The following EPHB2 variants were observed in gnomAD, a reference collection of about 807,000 sequenced individuals.
The protein encoded by EPHB2 is EPH receptor B2, also known as ephrin type-B receptor 2.
In EPHB2, 18 loss-of-function variants were observed where a neutral mutation model predicts 96.4. That is an observed-to-expected ratio of 0.19 (90% CI 0.13 to 0.28). EPHB2 has a LOEUF of 0.28. Ranked by LOEUF, EPHB2 falls within the 10% of genes least tolerant of loss-of-function variation. The probability of loss-of-function intolerance (pLI) is 1.00; values close to 1 mark genes in which losing one functional copy is unlikely to be tolerated. For synonymous variants in EPHB2, 506 were observed against 534.1 expected, an observed-to-expected ratio of 0.95 and a Z score of 0.72; for missense variants, 989 against 1,355.4, an observed-to-expected ratio of 0.73 and a Z score of 4.25.
rs777571194 is a variant in EPHB2 at position 22,912,474 on chromosome 1, C to T, written c.2727C>T (p.Ile909=). The T allele has an allele frequency of 3.7e-6, 6 of 1,614,148 alleles. No individual in the cohort carries two copies. The highest frequency in any genetic ancestry group is 4.2e-6 in the Non-Finnish European group (5 of 1,180,046). ...GINLPLLDRT[I]PDYTSFNTVD... Reference sequence around the variant, plus strand: ...ACCTGCCGCTGCTGGACCGCACGATCCCCGACTACACCAGCTTTAACACGG... The same window carrying T: ...ACCTGCCGCTGCTGGACCGCACGATTCCCGACTACACCAGCTTTAACACGG... Residue 909 remains isoleucine (I), a synonymous_variant, in exon 15 of 16, where the codon ATC becomes ATT. Coordinates refer to ENST00000374630, the MANE Select transcript of EPHB2 (RefSeq NM_017449.5).
intron 5 of EPHB2, among the ~76,000 whole-genome samples, chr1:22,872,896 T>A (rs1444348352): frequency 6.6e-6 from 1 of 152,192 alleles, no homozygotes; most frequent in Non-Finnish European, 1.5e-5. Context: ...TGTGTGCTTA[T>A]GCCTGAGACC....
chr1:22,720,304 T>A (rs1359719173), intron 1 of EPHB2, among the ~76,000 whole-genome samples: 1 of 152,216 alleles, frequency 6.6e-6, no homozygotes, highest in Non-Finnish European at 1.5e-5. Context: ...GAAAATATAC[T>A]GGGCTTGATT....
chr1:22,818,116 C>G (rs931017186), intron 3 of EPHB2, among the ~76,000 whole-genome samples: 4 of 152,076 alleles, frequency 2.6e-5, no homozygotes, highest in Non-Finnish European at 4.4e-5. Context: ...CTGTCGCTTC[C>G]CTTACTACAG....
intron 3 of EPHB2, among the ~76,000 whole-genome samples, chr1:22,801,466 G>A (rs1470291414): frequency 6.6e-6 from 1 of 151,942 alleles, no homozygotes; most frequent in Non-Finnish European, 1.5e-5. Context: ...GAACTGCAAG[G>A]GCTTTGTCGA....
chr1:22,775,190 G>A (rs779300642), intron 1 of EPHB2: 1 of 779,754 alleles, frequency 1.3e-6, no homozygotes, highest in Non-Finnish European at 2.4e-6. Flanking sequence ...ACACAGTTGT[G>A]AAAATAGATG....
chr1:22,789,374 G>A (rs1286828468), intron 3 of EPHB2, among the ~76,000 whole-genome samples: 3 of 152,188 alleles, frequency 2.0e-5, no homozygotes, highest in Non-Finnish European at 4.4e-5. Flanking sequence ...TGGAGAGTGG[G>A]GGAGTCCTCA....
At chr1:22,755,811 A>T (rs1227866835) in intron 1 of EPHB2, among the ~76,000 whole-genome samples, 1 of 152,198 alleles carries the variant, frequency 6.6e-6, no homozygotes, top group East Asian at 1.9e-4. Context: ...TTTGCCAGTC[A>T]TACTATTATT....
Position 22,864,881 on chromosome 1 carries a change from C to A in EPHB2, c.972C>A (p.Ile324=). The change falls in exon 5 of 16, where the codon ATC becomes ATA. Residue 324 remains isoleucine, a synonymous_variant. Transcript: ENST00000374630. ...LDPLDMPCTT[I]PSAPQAVISS... is the part of the protein sequence containing the mutation. ...AACACCTCTCCCCCGCCCCAGCCAT[C>A]CCCTCCGCGCCCCAGGCTGTGATTT... 6.2e-7 allele frequency: 1 copy of A among 1,604,012 alleles called. No individual in the cohort carries two copies. Among genetic ancestry groups the A allele is most frequent in the Non-Finnish European group, 8.5e-7 (1 of 1,175,218 alleles).
At chr1:22,850,939 G>T (rs1287663719) in intron 3 of EPHB2, among the ~76,000 whole-genome samples, 1 of 152,166 alleles carries the variant, frequency 6.6e-6, no homozygotes, top group Non-Finnish European at 1.5e-5. Flanking sequence ...GGGGAGTTCA[G>T]AGAGGAAAAA....
chr1:22,762,764 A>G (rs1302558585), intron 1 of EPHB2, among the ~76,000 whole-genome samples: 1 of 152,132 alleles, frequency 6.6e-6, no homozygotes, highest in Non-Finnish European at 1.5e-5. Context: ...CACTATTGTA[A>G]TCCATCTCAT....
intron 1 of EPHB2, among the ~76,000 whole-genome samples, chr1:22,738,326 G>A (rs1643867573): frequency 6.6e-6 from 1 of 152,134 alleles, no homozygotes; most frequent in African/African-American, 2.4e-5. Flanking sequence ...AAATGTTCTA[G>A]CTCCCCAAAC....
chr1:22,913,649 C>T lies in EPHB2; in HGVS notation c.*79C>T, dbSNP rs1222969030. Reference sequence around the variant, plus strand: ...CGTGCCGGCCCTCCTGGTGCTCTATCCACTGCAGGGCCAGCCACTCGCCAG... The same window carrying T: ...CGTGCCGGCCCTCCTGGTGCTCTATTCACTGCAGGGCCAGCCACTCGCCAG... On this transcript the variant is annotated 3_prime_UTR_variant, in exon 16 of 16. Transcript: ENST00000374630. This position sits in a 1 kb window ranked among gnomAD's most constrained non-coding sequence, Gnocchi z 4.1. 3 of 1,602,078 alleles carry T rather than the reference C, an allele frequency of 1.9e-6. No individual in the cohort carries two copies. The highest frequency in any genetic ancestry group is 2.6e-6 in the Non-Finnish European group (3 of 1,174,716).
At position 22,864,864 on chromosome 1, in the gene EPHB2, T is replaced by C; in HGVS notation, c.968-13T>C. 2 of 1,565,336 alleles carry C rather than the reference T, an allele frequency of 1.3e-6. No individual in the cohort carries two copies. Among genetic ancestry groups the C allele is most frequent in the Non-Finnish European group, 1.7e-6 (2 of 1,145,648 alleles). ...TGAGCCCCCCACTGACCAACACCTC[T>C]CCCCCGCCCCAGCCATCCCCTCCGC... On this transcript the variant is annotated splice_polypyrimidine_tract_variant and intron_variant, in intron 4 of 15. Transcript: ENST00000374630.
chr1:22,899,982 A>G (rs1338924421), intron 9 of EPHB2, among the ~76,000 whole-genome samples: 1 of 152,026 alleles, frequency 6.6e-6, no homozygotes, highest in Non-Finnish European at 1.5e-5. Context: ...TGACAGAGTG[A>G]GACCCTGTCC....
chr1:22,771,423 G>T (rs80219399), intron 1 of EPHB2, among the ~76,000 whole-genome samples: 21 of 152,320 alleles, frequency 1.4e-4, no homozygotes, highest in African/African-American at 4.6e-4. Context: ...ACAGCACCTC[G>T]AGTGCCAACT....
At chr1:22,782,552 G>A (rs375448973) in intron 2 of EPHB2, among the ~76,000 whole-genome samples, 4 of 152,016 alleles carry the variant, frequency 2.6e-5, no homozygotes, top group Admixed American at 1.3e-4. Flanking sequence ...TTCCATCTGC[G>A]AAGGCGGCTG....
At position 22,918,638 on chromosome 1, in the gene EPHB2, TG is replaced by T. The variant is rs1043185312; in HGVS notation, c.*5069del. ...ACCGGGTGGCCTTGACCCAGCCTTC[TG>T]CAAAATGGCTTCTGCCATCAAACTT... On this transcript the variant is annotated 3_prime_UTR_variant, in exon 16 of 16. Coordinates refer to ENST00000374630, the MANE Select transcript of EPHB2 (RefSeq NM_017449.5). The surrounding 1 kb of genome is among the most constrained non-coding windows in gnomAD (Gnocchi z 4.2). The T allele has an allele frequency of 1.3e-5, 2 of 152,256 alleles. No homozygotes were observed. The highest frequency in any genetic ancestry group is 2.9e-5 in the Non-Finnish European group (2 of 68,046). The allele number at this position is 152,256 out of a possible 1,614,324, so 9.4% of individuals were successfully genotyped here.
chr1:22,827,956 G>A (rs1313330517), intron 3 of EPHB2, among the ~76,000 whole-genome samples: 1 of 152,196 alleles, frequency 6.6e-6, no homozygotes, highest in Non-Finnish European at 1.5e-5. Context: ...GACAGAGCCA[G>A]GGCTATAAAC....
intron 1 of EPHB2, among the ~76,000 whole-genome samples, chr1:22,714,754 T>G (rs1643248268): frequency 6.6e-6 from 1 of 152,192 alleles, no homozygotes; most frequent in Admixed American, 6.5e-5. Context: ...AAAGCCAGCT[T>G]GTCGGTTCCC....
Sources: gnomAD v4.1 joint callset for allele counts (sites outside exome capture counted in the v4.1 genomes callset) on GRCh38, gnomAD v4.1.1 for gene constraint, Gnocchi (gnomAD v3.1) non-coding constraint, MANE v1.5 for transcripts, NCBI Gene and HGNC (gene_info 2026-07-23, HGNC 2026-07-21) for gene names.